NCAM2: variants seen among roughly 807,000 people sequenced by gnomAD.
The protein encoded by NCAM2 is neural cell adhesion molecule 2.
In NCAM2, 30 loss-of-function variants were observed where a neutral mutation model predicts 98.1. The ratio of observed to expected loss-of-function variants is 0.31; its 90% CI spans 0.23 to 0.41. The LOEUF is 0.41. NCAM2 is among the 10% of genes least tolerant of loss of function. The pLI, the probability that NCAM2 is intolerant of heterozygous loss-of-function variation, is 1.00. For synonymous variants in NCAM2, 368 were observed against 342.4 expected, an observed-to-expected ratio of 1.07 and a Z score of -0.83; for missense variants, 867 against 1,005.8, an observed-to-expected ratio of 0.86 and a Z score of 1.87.
In NCAM2 at chr21:21,014,451, A is replaced by T. The variant is rs542846834; in HGVS notation, c.55+15833A>T. On this transcript the variant is annotated intron_variant, in intron 1 of 17. Transcript: ENST00000400546. Reference sequence around the variant, plus strand: ...AAAAAAAAAAAAAAAATTATGCCAAATCTATTCTGACTGTGCTCTACAAAT... The same window carrying T: ...AAAAAAAAAAAAAAAATTATGCCAATTCTATTCTGACTGTGCTCTACAAAT... Among the ~76,000 whole-genome samples the T allele has an allele frequency of 4.6e-5, 7 of 152,150 alleles. No homozygotes were observed. In the East Asian group the frequency reaches 1.4e-3, roughly 29 times the overall value.
chr21:21,542,322 T>G lies in NCAM2; in HGVS notation c.*4365T>G, dbSNP rs1476684764. ...ATCTTCTCATATAAAGGCAAAGAAT[T>G]TTATATTATATATAATGCTAAATAT... On this transcript the variant is annotated 3_prime_UTR_variant, in exon 18 of 18. Coordinates refer to ENST00000400546, the MANE Select transcript of NCAM2 (RefSeq NM_004540.5). 1 of 151,762 alleles carries G rather than the reference T, an allele frequency of 6.6e-6. No homozygotes were observed. Among genetic ancestry groups the G allele is most frequent in the African/African-American group, 2.4e-5 (1 of 41,414 alleles). The allele number at this position is 151,762 out of a possible 1,614,324, so 9.4% of individuals were successfully genotyped here.
At chr21:21,408,936 A>G (rs1370968361) in intron 9 of NCAM2, among the ~76,000 whole-genome samples, 2 of 151,676 alleles carry the variant, frequency 1.3e-5, no homozygotes, top group Non-Finnish European at 2.9e-5. Context: ...TCTGATATTT[A>G]TATAATTAGT....
intron 1 of NCAM2, among the ~76,000 whole-genome samples, chr21:21,095,822 A>T (rs185000514): frequency 6.6e-6 from 1 of 151,674 alleles, no homozygotes; most frequent in Admixed American, 6.6e-5. Context: ...AGTGTCTTTC[A>T]GTGAGCTGTG....
At chr21:21,085,766 T>G (rs1175192452) in intron 1 of NCAM2, among the ~76,000 whole-genome samples, 1 of 152,200 alleles carries the variant, frequency 6.6e-6, no homozygotes, top group Non-Finnish European at 1.5e-5. Flanking sequence ...TAATATCACC[T>G]CACTGCTTTC....
chr21:21,121,012 G>A (rs1018671213), intron 1 of NCAM2, among the ~76,000 whole-genome samples: 6 of 152,036 alleles, frequency 3.9e-5, no homozygotes, highest in Non-Finnish European at 7.4e-5. Flanking sequence ...CACCGCGCCC[G>A]GCCATGGATG....
intron 12 of NCAM2, among the ~76,000 whole-genome samples, chr21:21,454,598 G>C (rs1359634838): frequency 6.6e-6 from 1 of 151,798 alleles, no homozygotes; most frequent in African/African-American, 2.4e-5. Flanking sequence ...GTTTCAGCAG[G>C]AAAGTTATTT....
intron 16 of NCAM2, among the ~76,000 whole-genome samples, chr21:21,519,255 G>A (rs1053905958): frequency 7.9e-5 from 12 of 152,054 alleles, no homozygotes; most frequent in African/African-American, 2.7e-4. Flanking sequence ...GATGACTTTT[G>A]CTATTGTGTG....
At chr21:21,235,829 T>C (rs2070797764) in intron 1 of NCAM2, among the ~76,000 whole-genome samples, 1 of 152,024 alleles carries the variant, frequency 6.6e-6, no homozygotes, top group Non-Finnish European at 1.5e-5. Flanking sequence ...AACCCCTGTC[T>C]TTACTGAAAT....
At chr21:21,443,555 G>C (rs1979638928) in intron 12 of NCAM2, among the ~76,000 whole-genome samples, 1 of 151,656 alleles carries the variant, frequency 6.6e-6, no homozygotes, top group Non-Finnish European at 1.5e-5. Context: ...GGATTCATTT[G>C]GTCCAATGAC....
intron 10 of NCAM2, among the ~76,000 whole-genome samples, chr21:21,416,891 G>A (rs2077005298): frequency 1.3e-5 from 2 of 151,844 alleles, no homozygotes; most frequent in Non-Finnish European, 2.9e-5. Context: ...GAGCATGTGT[G>A]TGGATGTGTG....
intron 1 of NCAM2, among the ~76,000 whole-genome samples, chr21:21,262,351 A>G (rs972347728): frequency 6.6e-6 from 1 of 152,134 alleles, no homozygotes; most frequent in African/African-American, 2.4e-5. Flanking sequence ...TTCCTAACTC[A>G]TTCTATTAAA....
intron 17 of NCAM2, among the ~76,000 whole-genome samples, chr21:21,536,895 T>C (rs1356984216): frequency 6.6e-6 from 1 of 152,102 alleles, no homozygotes; most frequent in Non-Finnish European, 1.5e-5. Flanking sequence ...TATTGCTTCA[T>C]AAGTTACAAT....
At chr21:21,387,328 C>G (rs1406790783) in intron 9 of NCAM2, among the ~76,000 whole-genome samples, 1 of 152,026 alleles carries the variant, frequency 6.6e-6, no homozygotes, top group Non-Finnish European at 1.5e-5. Context: ...GGCCCTACTT[C>G]CAAATACCAT....
intron 12 of NCAM2, among the ~76,000 whole-genome samples, chr21:21,438,097 G>A (rs1235217904): frequency 6.6e-6 from 1 of 151,948 alleles, no homozygotes; most frequent in African/African-American, 2.4e-5. Context: ...GGTACATATG[G>A]TCTCAACATT....
chr21:21,161,068 G>A (rs373597434), intron 1 of NCAM2, among the ~76,000 whole-genome samples: 1 of 151,922 alleles, frequency 6.6e-6, no homozygotes, highest in East Asian at 1.9e-4. Context: ...GTTTCCTGTT[G>A]CTATCTAGCA....
chr21:21,494,739 A>C (rs184756380), intron 15 of NCAM2, among the ~76,000 whole-genome samples: 2 of 151,926 alleles, frequency 1.3e-5, no homozygotes, highest in Admixed American at 1.3e-4. Context: ...TAGATAAGAT[A>C]ATAGATATTT....
intron 1 of NCAM2, among the ~76,000 whole-genome samples, chr21:21,221,925 C>A (rs943775493): frequency 2.0e-5 from 3 of 152,126 alleles, no homozygotes; most frequent in Admixed American, 2.0e-4. Context: ...CTTCAAAGGA[C>A]AGATGTCTCT....
intron 1 of NCAM2, among the ~76,000 whole-genome samples, chr21:21,215,201 T>C (rs995544526): frequency 6.6e-6 from 1 of 152,106 alleles, no homozygotes; most frequent in Non-Finnish European, 1.5e-5. Context: ...TAAAATTATC[T>C]GTATATGCAT....
At chr21:21,265,812 G>A (rs2072247760) in intron 1 of NCAM2, among the ~76,000 whole-genome samples, 1 of 151,998 alleles carries the variant, frequency 6.6e-6, no homozygotes, top group South Asian at 2.1e-4. Flanking sequence ...TACTCACTGT[G>A]TTCACCATTT....
Sources: allele counts gnomAD v4.1 joint callset (sites outside exome capture counted in the v4.1 genomes callset), GRCh38; gene constraint gnomAD v4.1.1; transcripts MANE v1.5; gene names NCBI Gene and HGNC (gene_info 2026-07-23, HGNC 2026-07-21).